UBE2H: variants seen among roughly 807,000 people sequenced by gnomAD.
UBE2H encodes the protein ubiquitin conjugating enzyme E2 H, also known as ubiquitin-conjugating enzyme E2 H.
In UBE2H, 3 loss-of-function variants were observed where a neutral mutation model predicts 29.0. The observed-to-expected ratio is 0.10, with a 90% CI of 0.05 to 0.27. The LOEUF (loss-of-function observed/expected upper bound fraction) is 0.27, where lower values mean the gene tolerates loss of function less well. Among genes scored for constraint, UBE2H ranks in the 10% least tolerant of loss-of-function variants. The pLI is 1.00. For synonymous variants in UBE2H, 69 were observed against 82.9 expected (o/e 0.83, Z 0.91); for missense variants, 68 against 228.2 (o/e 0.30, Z 4.52).
intron 1 of UBE2H, among the ~76,000 whole-genome samples, chr7:129,936,476 C>G (rs1807530685): frequency 6.6e-6 from 1 of 151,304 alleles, no homozygotes; most frequent in Non-Finnish European, 1.5e-5. Flanking sequence ...CGCCTGTAGT[C>G]CCAGCTACTC....
chr7:129,922,910 TC>T (rs1164128835), intron 1 of UBE2H, among the ~76,000 whole-genome samples: 1 of 151,992 alleles, frequency 6.6e-6, no homozygotes, highest in African/African-American at 2.4e-5. Flanking sequence ...TTCTTTTTTT[TC>T]TTTTTTTTGA....
intron 1 of UBE2H, among the ~76,000 whole-genome samples, chr7:129,902,880 A>G (rs1474695159): frequency 6.6e-6 from 1 of 152,208 alleles, no homozygotes; most frequent in Non-Finnish European, 1.5e-5. Context: ...AAGAGGTGTT[A>G]GTGTCTTACA....
intron 6 of UBE2H, among the ~76,000 whole-genome samples, chr7:129,837,994 A>G (rs1033456344): frequency 1.3e-5 from 2 of 152,160 alleles, no homozygotes; most frequent in Non-Finnish European, 2.9e-5. Context: ...AGAGAAATAT[A>G]CTCTGCTCCA....
At chr7:129,950,531 G>C (rs565022268) in intron 1 of UBE2H, among the ~76,000 whole-genome samples, 1 of 152,042 alleles carries the variant, frequency 6.6e-6, no homozygotes, top group African/African-American at 2.4e-5. Flanking sequence ...TATGGAAAAG[G>C]CATCAGGTCA....
chr7:129,891,953 C>CTTTTTTTTTTTTTTTTT (rs753851134), intron 1 of UBE2H, among the ~76,000 whole-genome samples: 4 of 127,138 alleles, frequency 3.1e-5, no homozygotes, highest in Non-Finnish European at 6.6e-5. Flanking sequence ...CATGCTACAC[C>CTTTTTTTTTTTTTTTTT]TTTTTTTTTT....
intron 3 of UBE2H, among the ~76,000 whole-genome samples, chr7:129,879,146 T>G (rs545520271): frequency 6.6e-6 from 1 of 152,074 alleles, no homozygotes; most frequent in Admixed American, 6.6e-5. Context: ...GTACCCAGAG[T>G]TGGAGTGAAC....
At chr7:129,899,984 G>C (rs1317896612) in intron 1 of UBE2H, among the ~76,000 whole-genome samples, 1 of 151,966 alleles carries the variant, frequency 6.6e-6, no homozygotes, top group Non-Finnish European at 1.5e-5. Flanking sequence ...ACAAAAACTA[G>C]CCAGGTGTGG....
chr7:129,910,111 C>G (rs1003183837), intron 1 of UBE2H, among the ~76,000 whole-genome samples: 2 of 151,936 alleles, frequency 1.3e-5, no homozygotes, highest in African/African-American at 4.8e-5. Flanking sequence ...GGCATATCAC[C>G]TGAGGTCGGG....
intron 1 of UBE2H, among the ~76,000 whole-genome samples, chr7:129,938,382 C>A (rs991109333): frequency 8.8e-6 from 1 of 113,828 alleles, no homozygotes; most frequent in South Asian, 3.2e-4. Flanking sequence ...TGCACTCCAG[C>A]GTGGGCAACA....
intron 1 of UBE2H, among the ~76,000 whole-genome samples, chr7:129,945,369 T>G (rs1028216136): frequency 2.0e-5 from 3 of 152,236 alleles, no homozygotes; most frequent in African/African-American, 7.2e-5. Context: ...ACTTGCAGTA[T>G]GCACTCTGAG....
intron 3 of UBE2H, among the ~76,000 whole-genome samples, chr7:129,873,464 T>C (rs2116354605): frequency 6.6e-6 from 1 of 150,512 alleles, no homozygotes; most frequent in East Asian, 2.0e-4. Flanking sequence ...GAGACCGGTT[T>C]CACTCTGTCA....
chr7:129,854,590 CTAATGT>C (rs1446013858), intron 5 of UBE2H, among the ~76,000 whole-genome samples: 1 of 152,188 alleles, frequency 6.6e-6, no homozygotes, highest in East Asian at 1.9e-4. Flanking sequence ...GCTTTGCAAG[CTAATGT>C]AAGTACACTA....
intron 1 of UBE2H, among the ~76,000 whole-genome samples, chr7:129,919,196 A>G (rs1807106974): frequency 6.6e-6 from 1 of 151,544 alleles, no homozygotes; most frequent in African/African-American, 2.4e-5. Context: ...GACCAACTCT[A>G]GTTCAAAGGA....
At chr7:129,948,812 T>C in intron 1 of UBE2H, 1 of 269,952 alleles carries the variant, frequency 3.7e-6, no homozygotes, top group Non-Finnish European at 7.6e-6. Context: ...AACCTTAATT[T>C]TTCTAAACAT....
chr7:129,867,298 C>T, intron 3 of UBE2H, among the ~76,000 whole-genome samples: 1 of 150,674 alleles, frequency 6.6e-6, no homozygotes, highest in Non-Finnish European at 1.5e-5. Context: ...TGGAACCAAC[C>T]CAAATGTCCA....
intron 1 of UBE2H, among the ~76,000 whole-genome samples, chr7:129,900,042 A>C (rs1030430035): frequency 7.2e-5 from 11 of 152,096 alleles, no homozygotes; most frequent in Non-Finnish European, 1.5e-4. Context: ...AGGCAGGAGA[A>C]TCGCTTGAAC....
At chr7:129,875,084 T>C (rs940696305) in intron 3 of UBE2H, among the ~76,000 whole-genome samples, 8 of 152,098 alleles carry the variant, frequency 5.3e-5, no homozygotes, top group Non-Finnish European at 1.0e-4. Flanking sequence ...CAGACAATGA[T>C]ACAGACAGGA....
intron 1 of UBE2H, among the ~76,000 whole-genome samples, chr7:129,886,767 TAAAAAAAAAAAAAAA>T (rs79067201): frequency 1.4e-5 from 1 of 72,066 alleles, no homozygotes; most frequent in East Asian, 4.0e-4. Flanking sequence ...TGTTTTTTGG[TAAAAAAAAAAAAAAA>T]AAAAAAAAAA....
Position 129,830,827 on chromosome 7 carries a change from T to C in UBE2H, c.*4110A>G, listed in dbSNP as rs1006395103. ...ATAGTCAGAGGAGGCATGTGTCCTG[T>C]TGACAGACGTGCCTACTAGATCATC... On this transcript the variant is annotated 3_prime_UTR_variant, in exon 7 of 7. Coordinates refer to ENST00000355621, the MANE Select transcript of UBE2H (RefSeq NM_003344.4). 1 of 146,932 alleles carries C rather than the reference T, an allele frequency of 6.8e-6. No individual in the cohort carries two copies. The highest frequency in any genetic ancestry group is 1.5e-5 in the Non-Finnish European group (1 of 66,950). 9.1% of individuals were successfully genotyped at this position (146,932 alleles called of 1,614,324 possible).
Sources: allele counts gnomAD v4.1 joint callset (sites outside exome capture counted in the v4.1 genomes callset), GRCh38; gene constraint gnomAD v4.1.1; transcripts MANE v1.5; gene names NCBI Gene and HGNC (gene_info 2026-07-23, HGNC 2026-07-21).